DLGAP5: variants seen among roughly 807,000 people sequenced by gnomAD.
The protein encoded by DLGAP5 is DLG associated protein 5.
DLGAP5 carries 90 observed loss-of-function variants against 99.6 expected under a neutral mutation model. That is an observed-to-expected ratio of 0.90 (90% CI 0.76 to 1.08). The LOEUF is 1.08. Among genes scored for constraint, DLGAP5 ranks in the 50% least tolerant of loss-of-function variants. DLGAP5 has a pLI of 0.00. For missense variants in DLGAP5, 1,036 were observed against 983.5 expected, an observed-to-expected ratio of 1.05 and a Z score of -0.71; for synonymous variants, 311 against 321.3, an observed-to-expected ratio of 0.97 and a Z score of 0.34.
intron 13 of DLGAP5, 39 bp downstream of exon 13, chr14:55,162,932 T>TAAAA: frequency 5.2e-6 from 5 of 961,294 alleles, no homozygotes; most frequent in Admixed American, 2.9e-5. Flanking sequence ...GTTCCTTAAC[T>TAAAA]AAAAAAAAAA....
intron 10 of DLGAP5, among the ~76,000 whole-genome samples, chr14:55,171,799 T>A (rs1214846433): frequency 6.6e-6 from 1 of 152,212 alleles, no homozygotes; most frequent in Non-Finnish European, 1.5e-5. Flanking sequence ...AAGGAAAGTC[T>A]GACACATGCT....
chr14:55,179,001 C>G (rs1464448529), intron 7 of DLGAP5, among the ~76,000 whole-genome samples: 1 of 152,000 alleles, frequency 6.6e-6, no homozygotes, highest in Non-Finnish European at 1.5e-5. Flanking sequence ...GAGCCAAGAT[C>G]GCGCCATTGC....
chr14:55,173,603 C>CTA (rs202195474), intron 10 of DLGAP5, among the ~76,000 whole-genome samples: 78 of 148,426 alleles, frequency 5.3e-4, no homozygotes, highest in Admixed American at 1.1e-3. Flanking sequence ...CTCTCTCTCT[C>CTA]TATATATATA....
intron 11 of DLGAP5, among the ~76,000 whole-genome samples, chr14:55,170,390 C>G (rs1466410731): frequency 6.6e-6 from 1 of 150,610 alleles, no homozygotes. Context: ...ATTTAAAAAG[C>G]TAATAATATT....
Position 55,175,977 on chromosome 14 carries a change from C to T in DLGAP5, c.1091G>A (p.Cys364Tyr), listed in dbSNP as rs1594678172. 1.9e-6 allele frequency: 3 copies of T among 1,608,760 alleles called. No individual in the cohort carries two copies. The highest frequency in any genetic ancestry group is 4.5e-5 in the East Asian group (2 of 44,724). ...QATKEILAQK[C>Y]KTYSTKTIQQ... The stretch of plus-strand genomic sequence containing the variant: ...TATTGTCTTGGTAGAGTAAGTTTTA[C>T]ATTTTTGTGCCAAAATTTCTTTTGT... Residue 364 changes from cysteine (C) to tyrosine (Y), a missense_variant, in exon 9 of 19, where the codon TGT becomes TAT. Cys to Tyr is a radical substitution (Grantham distance 194). Transcript: ENST00000247191.
chr14:55,149,815 C>CAG (rs1367235937), intron 18 of DLGAP5, among the ~76,000 whole-genome samples: 5 of 132,042 alleles, frequency 3.8e-5, no homozygotes, highest in South Asian at 2.6e-4. Context: ...AGAATCGGGG[C>CAG]GGGGGGGGGG....
At chr14:55,177,574 G>A (rs1176439499) in intron 7 of DLGAP5, among the ~76,000 whole-genome samples, 2 of 149,758 alleles carry the variant, frequency 1.3e-5, no homozygotes, top group South Asian at 2.1e-4. Context: ...GTAGCCCTCC[G>A]TCGCCCAGGC....
At chr14:55,180,892 G>A in intron 5 of DLGAP5, 114 bp from the exon 6 acceptor site, 1 of 1,361,254 alleles carries the variant, frequency 7.3e-7, no homozygotes, top group Non-Finnish European at 1.0e-6. Context: ...GGAGGCAGGA[G>A]GATTACTTCA....
At chr14:55,186,195 C>T (rs1289381223) in intron 2 of DLGAP5, among the ~76,000 whole-genome samples, 2 of 152,096 alleles carry the variant, frequency 1.3e-5, no homozygotes, top group African/African-American at 2.4e-5. Context: ...CACTTGAACC[C>T]GGGAGGCAGA....
At chr14:55,170,516 CAT>C (rs1423923078) in intron 11 of DLGAP5, among the ~76,000 whole-genome samples, 184 bp downstream of exon 11, 1 of 152,132 alleles carries the variant, frequency 6.6e-6, no homozygotes, top group African/African-American at 2.4e-5. Flanking sequence ...TGTTAGGGAA[CAT>C]ATGTTGAGAT....
chr14:55,182,437 G>C lies in DLGAP5; in HGVS notation c.433-5C>G. The C allele has an allele frequency of 6.2e-7, 1 of 1,605,560 alleles. No homozygotes were observed. Among genetic ancestry groups the C allele is most frequent in the South Asian group, 1.1e-5 (1 of 89,232 alleles). ...CCGTACAGAAGATGGAATAGCCTTA[G>C]AACAGTCAAAAGAAGATGAACTTAA... is the stretch of plus-strand genomic sequence containing the variant. On this transcript the variant is annotated splice_polypyrimidine_tract_variant and splice_region_variant and intron_variant, in intron 3 of 18. Transcript: ENST00000247191.
chr14:55,151,648 T>C lies in DLGAP5; in HGVS notation c.2368+47A>G, dbSNP rs1309629281. On this transcript the variant is annotated intron_variant, in intron 17 of 18. Coordinates refer to ENST00000247191, the MANE Select transcript of DLGAP5 (RefSeq NM_014750.5). Reference sequence around the variant, plus strand: ...GGATAATTTATACCTTAATCCAAGTTCATTTCTTTAATAAAGGCTCGTTTA... The same window carrying C: ...GGATAATTTATACCTTAATCCAAGTCCATTTCTTTAATAAAGGCTCGTTTA... The C allele has an allele frequency of 3.8e-6, 6 of 1,566,786 alleles. No homozygotes were observed. In the African/African-American group the frequency reaches 8.2e-5, roughly 21 times the overall value.
chr14:55,154,586 T>TA (rs1882137592), intron 15 of DLGAP5, 31 bp downstream of exon 15: 2 of 1,571,914 alleles, frequency 1.3e-6, no homozygotes, highest in African/African-American at 1.4e-5. Context: ...TCAGCAACTG[T>TA]TAAACTCTTA....
chr14:55,186,219 C>T (rs1170567924), intron 2 of DLGAP5, among the ~76,000 whole-genome samples: 1 of 152,066 alleles, frequency 6.6e-6, no homozygotes, highest in African/African-American at 2.4e-5. Context: ...TGCGGTGAGC[C>T]GAGATCGTGC....
intron 1 of DLGAP5, among the ~76,000 whole-genome samples, chr14:55,190,613 T>A (rs1883581449): frequency 6.6e-6 from 1 of 152,174 alleles, no homozygotes; most frequent in African/African-American, 2.4e-5. Flanking sequence ...TCAACAAGAA[T>A]TAACTAAATC....
chr14:55,160,006 C>G (rs372498874), intron 13 of DLGAP5, among the ~76,000 whole-genome samples: 10 of 152,100 alleles, frequency 6.6e-5, no homozygotes, highest in African/African-American at 2.2e-4. Context: ...AGTTCCAGAC[C>G]AGCCTGGCCA....
At chr14:55,154,373 T>C (rs964408429) in intron 15 of DLGAP5, among the ~76,000 whole-genome samples, 1 of 152,224 alleles carries the variant, frequency 6.6e-6, no homozygotes, top group Admixed American at 6.5e-5. Flanking sequence ...CACCAAAGGA[T>C]ACCATATTGC....
chr14:55,154,585 G>T (rs376208826), intron 15 of DLGAP5, 32 bp downstream of exon 15: 1 of 1,566,476 alleles, frequency 6.4e-7, no homozygotes, highest in Non-Finnish European at 8.8e-7. Flanking sequence ...ATCAGCAACT[G>T]TTAAACTCTT....
chr14:55,184,712 A>G (rs1182351908), intron 2 of DLGAP5, among the ~76,000 whole-genome samples: 1 of 152,230 alleles, frequency 6.6e-6, no homozygotes, highest in Non-Finnish European at 1.5e-5. Context: ...GGAGATGTCC[A>G]CATGACAAAG....
Sources: allele counts gnomAD v4.1 joint callset (sites outside exome capture counted in the v4.1 genomes callset), GRCh38; gene constraint gnomAD v4.1.1; transcripts MANE v1.5; gene names NCBI Gene and HGNC (gene_info 2026-07-23, HGNC 2026-07-21).